The following HELZ variants were observed in gnomAD, a reference collection of about 807,000 sequenced individuals.
HELZ encodes helicase with zinc finger.
In HELZ, 23 loss-of-function variants were observed where a neutral mutation model predicts 218.2. The ratio of observed to expected loss-of-function variants is 0.11; its 90% CI spans 0.08 to 0.15. The LOEUF (loss-of-function observed/expected upper bound fraction) is 0.15. Among genes scored for constraint, HELZ ranks in the 10% least tolerant of loss-of-function variants. The pLI is 1.00. For synonymous variants in HELZ, 814 were observed against 829.4 expected, an observed-to-expected ratio of 0.98 and a Z score of 0.32; for missense variants, 1,813 against 2,353.7, an observed-to-expected ratio of 0.77 and a Z score of 4.75.
Position 67,109,658 on chromosome 17 carries a change from C to T in HELZ, c.3947G>A (p.Arg1316Lys), listed in dbSNP as rs201494578. The change falls in exon 29 of 33, where the codon AGA (arginine) becomes AAA (lysine). Residue 1316 changes from arginine (R) to lysine (K), a missense_variant. Physicochemically the swap from Arg to Lys is conservative, Grantham distance 26. This residue lies in a region of HELZ where 938 missense variants were observed against 1,027.5 expected (regional missense o/e 0.91). Coordinates refer to ENST00000358691, the MANE Select transcript of HELZ (RefSeq NM_014877.4). The part of the protein sequence containing the change: ...QVDLESNPQN[R>K]SPESRPSVVY... ...AACACTAGGACGTGATTCAGGACTT[C>T]TGTTCTGTGGATTTGATTCCAAATC... The T allele has an allele frequency of 1.2e-6, 2 of 1,611,526 alleles. No homozygotes were observed. Among genetic ancestry groups the T allele is most frequent in the African/African-American group, 1.3e-5 (1 of 74,972 alleles).
chr17:67,073,968 G>C lies in HELZ; in HGVS notation c.*4284C>G. On this transcript the variant is annotated 3_prime_UTR_variant, in exon 33 of 33. Transcript: ENST00000358691. Reference sequence around the variant, plus strand: ...CCAGTTACTCTTTCAAGATGGAGATGGTGTCTTTGTAAGTGATTGGCACCA... The same window carrying C: ...CCAGTTACTCTTTCAAGATGGAGATCGTGTCTTTGTAAGTGATTGGCACCA... 1 of 152,096 alleles carries C rather than the reference G, an allele frequency of 6.6e-6. No individual in the cohort carries two copies. The highest frequency in any genetic ancestry group is 6.5e-5 in the Admixed American group (1 of 15,270). 9.4% of individuals were successfully genotyped at this position (152,096 alleles called of 1,614,324 possible).
intron 4 of HELZ, among the ~76,000 whole-genome samples, chr17:67,218,393 G>A (rs148762441): frequency 6.6e-6 from 1 of 152,266 alleles, no homozygotes; most frequent in Admixed American, 6.5e-5. Context: ...TGTTGAGTGA[G>A]TGCATAATCC....
Position 67,147,669 on chromosome 17 carries a change from A to AGG in HELZ, c.2621+898_2621+899dup, listed in dbSNP as rs34670020. Among the ~76,000 whole-genome samples the AGG allele has an allele frequency of 2.8e-4, 41 of 148,522 alleles. 2 individuals carry two copies. In the South Asian group the frequency reaches 6.0e-3, roughly 22 times the overall value. ...ATTTTTTTTTTTTTTTTTGGTAGGAAGGGGGGGTCTTTCTATGTTGCTCAG... is the reference window on the plus strand; with the variant it reads ...ATTTTTTTTTTTTTTTTTGGTAGGAAGGGGGGGGGTCTTTCTATGTTGCTCAG... On this transcript the variant is annotated intron_variant, in intron 20 of 32. Coordinates refer to ENST00000358691, the MANE Select transcript of HELZ (RefSeq NM_014877.4).
At chr17:67,117,738 CAG>C (rs2037472454) in intron 27 of HELZ, among the ~76,000 whole-genome samples, 1 of 151,904 alleles carries the variant, frequency 6.6e-6, no homozygotes, top group Non-Finnish European at 1.5e-5. Flanking sequence ...TTAGTAGAGA[CAG>C]GGTTTTTCCA....
intron 13 of HELZ, among the ~76,000 whole-genome samples, chr17:67,172,214 G>A (rs570515560): frequency 6.6e-6 from 1 of 152,250 alleles, no homozygotes; most frequent in Admixed American, 6.5e-5. Flanking sequence ...AAGCAGATGT[G>A]AGCCCCTCCT....
chr17:67,241,068 G>T (rs943274628), intron 2 of HELZ, among the ~76,000 whole-genome samples: 2 of 152,140 alleles, frequency 1.3e-5, no homozygotes, highest in Non-Finnish European at 2.9e-5. Flanking sequence ...CAATGCTACA[G>T]AAGTAACCCT....
chr17:67,224,747 C>A, intron 3 of HELZ: 2 of 1,143,110 alleles, frequency 1.7e-6, no homozygotes, highest in Non-Finnish European at 1.3e-6. Context: ...GTTGCTAAAA[C>A]CCGCCGGACT....
chr17:67,156,491 C>G (rs1398568353), intron 17 of HELZ, among the ~76,000 whole-genome samples: 4 of 152,158 alleles, frequency 2.6e-5, no homozygotes, highest in Non-Finnish European at 1.5e-5. Context: ...TTCAACATGG[C>G]TTACCCTCCA....
upstream of HELZ, chr17:67,245,219 G>A (rs2041450619): frequency 2.0e-6 from 2 of 985,664 alleles, no homozygotes; most frequent in Non-Finnish European, 2.4e-6. Context: ...GTAAGAAAGA[G>A]CCTTTAAAGT....
intron 3 of HELZ, among the ~76,000 whole-genome samples, chr17:67,219,905 G>A (rs893252967): frequency 6.6e-6 from 1 of 152,168 alleles, no homozygotes; most frequent in African/African-American, 2.4e-5. Flanking sequence ...TAACACTCAT[G>A]GCAGGGGTGG....
chr17:67,214,259 CTTTTTTTTT>C (rs777420102), intron 5 of HELZ, among the ~76,000 whole-genome samples: 4 of 87,740 alleles, frequency 4.6e-5, no homozygotes, highest in African/African-American at 1.9e-4. Flanking sequence ...ATTAATATTT[CTTTTTTTTT>C]TTTTTTTTTT....
intron 23 of HELZ, among the ~76,000 whole-genome samples, chr17:67,130,859 G>A (rs1180116507): frequency 1.3e-5 from 2 of 152,176 alleles, no homozygotes; most frequent in Admixed American, 6.6e-5. Flanking sequence ...AGGAAAGAAT[G>A]GATTGACTTT....
At chr17:67,087,432 A>G (rs1327441986) in intron 31 of HELZ, among the ~76,000 whole-genome samples, 2 of 152,242 alleles carry the variant, frequency 1.3e-5, no homozygotes, top group African/African-American at 2.4e-5. Flanking sequence ...ATTTTAGATA[A>G]TAGTAGATTA....
At chr17:67,120,714 AACACAC>A (rs142954420) in intron 26 of HELZ, 102 bp from the exon 27 acceptor site, 1 of 693,378 alleles carries the variant, frequency 1.4e-6, no homozygotes, top group African/African-American at 1.8e-5. Context: ...AAGACATACA[AACACAC>A]ACACACACAG....
intron 24 of HELZ, 123 bp from the exon 25 acceptor site, chr17:67,124,137 G>T: frequency 3.1e-6 from 2 of 641,208 alleles, no homozygotes; most frequent in East Asian, 3.0e-5. Flanking sequence ...AAAACTGTGA[G>T]TCTATAATTA....
rs866833404 is a variant in HELZ at position 67,241,241 on chromosome 17, A to G, written c.-75-1752T>C. On this transcript the variant is annotated intron_variant, in intron 2 of 32. Coordinates refer to ENST00000358691, the MANE Select transcript of HELZ (RefSeq NM_014877.4). ...GAAAATTAAACCTAAAAATTTGCTTATAATTTTTTAAGTAGTTCCTCCCCA... is the reference window on the plus strand; with the variant it reads ...GAAAATTAAACCTAAAAATTTGCTTGTAATTTTTTAAGTAGTTCCTCCCCA... Among the ~76,000 whole-genome samples the G allele has an allele frequency of 3.3e-5, 5 of 152,248 alleles. No individual in the cohort carries two copies. In the East Asian group the frequency reaches 5.8e-4, roughly 18 times the overall value.
intron 3 of HELZ, among the ~76,000 whole-genome samples, chr17:67,222,311 T>C (rs1200286318): frequency 6.6e-6 from 1 of 152,224 alleles, no homozygotes; most frequent in Admixed American, 6.5e-5. Flanking sequence ...GAAAAAAGTA[T>C]ATCTGCAAGT....
chr17:67,120,629 T>C lies in HELZ; in HGVS notation c.3631-17A>G, dbSNP rs1371459306. 6.4e-7 allele frequency: 1 copy of C among 1,572,556 alleles called. No individual in the cohort carries two copies. On this transcript the variant is annotated splice_polypyrimidine_tract_variant and intron_variant, in intron 26 of 32. Coordinates refer to ENST00000358691, the MANE Select transcript of HELZ (RefSeq NM_014877.4). The stretch of plus-strand genomic sequence containing the variant: ...CCATGGTACCTAGGTTATTAAAAAA[T>C]AAAATACATGCATTAAGTATATTTT...
chr17:67,215,794 G>T, intron 5 of HELZ, 105 bp downstream of exon 5: 1 of 766,772 alleles, frequency 1.3e-6, no homozygotes. Flanking sequence ...CCACAGTAAG[G>T]TGGGCTTTTC....
Sources: allele counts gnomAD v4.1 joint callset (sites outside exome capture counted in the v4.1 genomes callset), GRCh38; gene constraint gnomAD v4.1.1; regional missense constraint gnomAD v4.1.1; transcripts MANE v1.5; gene names NCBI Gene and HGNC (gene_info 2026-07-23, HGNC 2026-07-21).